DCC: variants seen among roughly 807,000 people sequenced by gnomAD.
The protein encoded by DCC is netrin receptor DCC.
A neutral mutation model predicts 172.5 loss-of-function variants in DCC; 58 were observed. The ratio of observed to expected loss-of-function variants is 0.34; its 90% CI spans 0.27 to 0.42. The LOEUF is 0.42. Among genes scored for constraint, DCC ranks in the 10% least tolerant of loss-of-function variants. The pLI, the probability that DCC is intolerant of heterozygous loss-of-function variation, is 1.00. For missense variants in DCC, 1,740 were observed against 1,791.0 expected (o/e 0.97, Z 0.51); for synonymous variants, 709 against 644.5 (o/e 1.10, Z -1.52).
chr18:53,043,826 T>C (rs935208720), intron 5 of DCC, among the ~76,000 whole-genome samples: 8 of 151,914 alleles, frequency 5.3e-5, no homozygotes, highest in African/African-American at 1.9e-4. Context: ...ATTAATTCTG[T>C]GGATAAATAA....
chr18:53,514,005 TATAC>T (rs2046299386), intron 27 of DCC, among the ~76,000 whole-genome samples: 4 of 150,132 alleles, frequency 2.7e-5, no homozygotes, highest in African/African-American at 1.0e-4. Context: ...ATCAACAGAA[TATAC>T]ATTTTTTTCA....
chr18:52,748,367 C>T (rs2036941137), intron 1 of DCC, among the ~76,000 whole-genome samples: 1 of 152,230 alleles, frequency 6.6e-6, no homozygotes, highest in South Asian at 2.1e-4. Context: ...GTTCCCGTAG[C>T]CCAGCAAACA....
chr18:53,289,655 C>A (rs1450530509), intron 12 of DCC, among the ~76,000 whole-genome samples: 1 of 151,696 alleles, frequency 6.6e-6, no homozygotes, highest in Non-Finnish European at 1.5e-5. Flanking sequence ...TTTCTGCAGA[C>A]ATTAATAAAA....
At chr18:52,575,009 A>G (rs1168372538) in intron 1 of DCC, among the ~76,000 whole-genome samples, 1 of 152,150 alleles carries the variant, frequency 6.6e-6, no homozygotes, top group East Asian at 1.9e-4. Flanking sequence ...ATTTTTGGTC[A>G]CTGCAATGAA....
chr18:52,416,915 A>T (rs1484536601), intron 1 of DCC, among the ~76,000 whole-genome samples: 1 of 151,954 alleles, frequency 6.6e-6, no homozygotes, highest in African/African-American at 2.4e-5. Context: ...TCCTGTCATT[A>T]TGATGTTAGC....
At chr18:53,024,965 T>A (rs1317221309) in intron 5 of DCC, among the ~76,000 whole-genome samples, 1 of 152,114 alleles carries the variant, frequency 6.6e-6, no homozygotes, top group East Asian at 1.9e-4. Flanking sequence ...TTTTCCCCTA[T>A]CAAAATGCAT....
intron 5 of DCC, among the ~76,000 whole-genome samples, chr18:52,993,346 T>C (rs914155688): frequency 6.6e-6 from 1 of 152,172 alleles, no homozygotes; most frequent in Non-Finnish European, 1.5e-5. Flanking sequence ...GGTACAATAA[T>C]GTGCTTGGCG....
At chr18:52,387,574 T>TTCCTTCCTTC (rs551481939) in intron 1 of DCC, among the ~76,000 whole-genome samples, 5 of 121,996 alleles carry the variant, frequency 4.1e-5, no homozygotes, top group Admixed American at 8.3e-5. Flanking sequence ...TTGTTTTGTT[T>TTCCTTCCTTC]CTTCCTTCCT....
rs529789507 is a variant in DCC, at chr18:52,678,729, C to T, written c.92-73325C>T. On this transcript the variant is annotated intron_variant, in intron 1 of 28. Transcript: ENST00000442544. ...AAAGTAGTTCTTTAAGAATTCCATGCCACGAAAGATTTAATTAACCTTTTC... is the reference window on the plus strand; with the variant it reads ...AAAGTAGTTCTTTAAGAATTCCATGTCACGAAAGATTTAATTAACCTTTTC... 3.3e-5 allele frequency among the ~76,000 whole-genome samples: 5 copies of T among 152,234 alleles called. No individual in the cohort carries two copies. The South Asian group carries it at 1.0e-3, about 32-fold the overall frequency.
intron 15 of DCC, among the ~76,000 whole-genome samples, chr18:53,377,386 A>AGAGG (rs1907371176): frequency 6.7e-6 from 1 of 150,180 alleles, no homozygotes; most frequent in African/African-American, 2.5e-5. Flanking sequence ...AGAGAGAGAG[A>AGAGG]GAGGAAGAAG....
intron 5 of DCC, among the ~76,000 whole-genome samples, chr18:52,943,890 C>A (rs1381171393): frequency 6.6e-6 from 1 of 152,130 alleles, no homozygotes; most frequent in South Asian, 2.1e-4. Context: ...GCTGGGGCCG[C>A]AGGTGCCTGC....
intron 1 of DCC, among the ~76,000 whole-genome samples, chr18:52,480,966 T>C (rs1375744979): frequency 6.6e-6 from 1 of 151,932 alleles, no homozygotes; most frequent in African/African-American, 2.4e-5. Context: ...ATTTCCTTTT[T>C]CAAACATTTC....
At chr18:52,853,226 G>T (rs1295445152) in intron 2 of DCC, among the ~76,000 whole-genome samples, 1 of 152,134 alleles carries the variant, frequency 6.6e-6, no homozygotes, top group Non-Finnish European at 1.5e-5. Context: ...AGATGGTCAG[G>T]TTCAGAAGTT....
At chr18:52,505,425 C>A (rs1469400363) in intron 1 of DCC, among the ~76,000 whole-genome samples, 1 of 152,150 alleles carries the variant, frequency 6.6e-6, no homozygotes, top group Non-Finnish European at 1.5e-5. Flanking sequence ...CAACACAGTT[C>A]TTCTCCCTTG....
intron 27 of DCC, among the ~76,000 whole-genome samples, chr18:53,520,229 G>C (rs1018437715): frequency 1.3e-5 from 2 of 152,132 alleles, no homozygotes; most frequent in African/African-American, 4.8e-5. Context: ...TCACCCGACA[G>C]TAGCAGTGAG....
intron 1 of DCC, among the ~76,000 whole-genome samples, chr18:52,705,003 A>C (rs2036182772): frequency 6.6e-6 from 1 of 151,824 alleles, no homozygotes; most frequent in Non-Finnish European, 1.5e-5. Context: ...CTTGGTTCCC[A>C]GTTGGTGAGA....
intron 7 of DCC, among the ~76,000 whole-genome samples, chr18:53,132,414 T>G (rs981930920): frequency 6.6e-6 from 1 of 152,034 alleles, no homozygotes; most frequent in African/African-American, 2.4e-5. Context: ...ACATTCACAT[T>G]TCATCTAGAA....
intron 5 of DCC, among the ~76,000 whole-genome samples, chr18:53,047,980 G>A (rs549999161): frequency 4.6e-5 from 7 of 151,246 alleles, no homozygotes; most frequent in Non-Finnish European, 1.0e-4. Context: ...TAATATGCCA[G>A]CCACTCTTAG....
intron 7 of DCC, among the ~76,000 whole-genome samples, chr18:53,133,984 A>T (rs1201733850): frequency 5.3e-5 from 8 of 152,184 alleles, no homozygotes; most frequent in Non-Finnish European, 1.0e-4. Context: ...AGAGCAAGAG[A>T]CTATTTTTAT....
Sources: allele counts gnomAD v4.1 joint callset (sites outside exome capture counted in the v4.1 genomes callset), GRCh38; gene constraint gnomAD v4.1.1; transcripts MANE v1.5; gene names NCBI Gene and HGNC (gene_info 2026-07-23, HGNC 2026-07-21).